Variants in C9orf85 observed in about 807,000 individuals in gnomAD.
The protein encoded by C9orf85 is uncharacterized protein C9orf85.
In C9orf85, 16 loss-of-function variants were observed where a neutral mutation model predicts 14.9. The ratio of observed to expected loss-of-function variants is 1.08; its 90% confidence interval spans 0.73 to 1.63. The LOEUF (loss-of-function observed/expected upper bound fraction) is 1.63. C9orf85 is among the 40% of genes most tolerant of loss of function. The pLI is 0.00. For missense variants in C9orf85, 172 were observed against 186.1 expected, an observed-to-expected ratio of 0.92 and a Z score of 0.44; for synonymous variants, 45 against 56.8, an observed-to-expected ratio of 0.79 and a Z score of 0.93.
intron 2 of C9orf85, among the ~76,000 whole-genome samples, chr9:71,949,944 A>C (rs774664539): frequency 2.9e-4 from 44 of 152,154 alleles, no homozygotes; most frequent in Non-Finnish European, 5.6e-4. Flanking sequence ...TCCTTCCTAC[A>C]TTTGCTGTTT....
chr9:71,982,694 G>A, exon 4 of C9orf85: 1 of 365,306 alleles, frequency 2.7e-6, no homozygotes, highest in South Asian at 2.0e-5. Flanking sequence ...GGAGTGCAGT[G>A]GCAGGATCTT....
chr9:71,952,872 T>TAA (rs5898242), intron 2 of C9orf85, among the ~76,000 whole-genome samples: 268 of 147,850 alleles, frequency 1.8e-3, no homozygotes, highest in Middle Eastern at 3.6e-3. Flanking sequence ...CTCTACCTAT[T>TAA]AAAAAAAAAA....
chr9:71,911,882 G>A, intron 1 of C9orf85, 46 bp downstream of exon 1: 1 of 1,529,264 alleles, frequency 6.5e-7, no homozygotes. Context: ...GGAAGGAATG[G>A]CTCACTGGAG....
intron 2 of C9orf85, among the ~76,000 whole-genome samples, chr9:71,970,558 A>G (rs1335817208): frequency 6.6e-6 from 1 of 152,112 alleles, no homozygotes; most frequent in Non-Finnish European, 1.5e-5. Flanking sequence ...GATGACCTAT[A>G]TACGTCTATT....
chr9:71,959,852 C>A (rs1271751553), intron 2 of C9orf85, among the ~76,000 whole-genome samples: 3 of 152,202 alleles, frequency 2.0e-5, no homozygotes, highest in South Asian at 2.1e-4. Context: ...AATCAGAGCT[C>A]TTAATTTCTG....
intron 1 of C9orf85, among the ~76,000 whole-genome samples, chr9:71,935,157 T>G (rs762564617): frequency 4.6e-5 from 7 of 152,136 alleles, no homozygotes; most frequent in Non-Finnish European, 8.8e-5. Flanking sequence ...TTTATTACTC[T>G]TCGTGGGAAT....
intron 1 of C9orf85, chr9:71,918,502 C>T (rs559359415): frequency 8.1e-7 from 1 of 1,229,860 alleles, no homozygotes; most frequent in South Asian, 1.3e-5. Context: ...CCGACCCCCG[C>T]ATCGGTCCAT....
chr9:71,971,975 CAAAAAA>C (rs1280978130), intron 3 of C9orf85, among the ~76,000 whole-genome samples: 2 of 53,280 alleles, frequency 3.8e-5, no homozygotes. Context: ...GACTCCATCT[CAAAAAA>C]AAAAAAAAAA....
intron 2 of C9orf85, among the ~76,000 whole-genome samples, chr9:71,963,035 G>T (rs1167004076): frequency 2.0e-5 from 3 of 152,016 alleles, no homozygotes; most frequent in Non-Finnish European, 4.4e-5. Flanking sequence ...CAGCATGGGG[G>T]ACAAGAGTGA....
chr9:71,974,384 C>T (rs1822965042), downstream of C9orf85, among the ~76,000 whole-genome samples: 1 of 151,668 alleles, frequency 6.6e-6, no homozygotes, highest in Non-Finnish European at 1.5e-5. Flanking sequence ...GCGGGGACTG[C>T]AGGCCTGCAC....
In C9orf85 at chr9:71,967,604, A is replaced by G. The variant is rs531536311; in HGVS notation, c.210-3901A>G. 1.2e-4 allele frequency among the ~76,000 whole-genome samples: 18 copies of G among 151,656 alleles called. No homozygotes were observed. In the South Asian group the frequency reaches 3.1e-3, roughly 26 times the overall value. ...TGTGATTTTATTAAACTCACTGTTTATGTCCAGTTCATTTTAAAAAATAGA... is the reference window on the plus strand; with the variant it reads ...TGTGATTTTATTAAACTCACTGTTTGTGTCCAGTTCATTTTAAAAAATAGA... On this transcript the variant is annotated intron_variant, in intron 2 of 3. Transcript: ENST00000334731.
chr9:71,914,252 A>G (rs181477224), intron 1 of C9orf85, among the ~76,000 whole-genome samples: 1 of 152,274 alleles, frequency 6.6e-6, no homozygotes, highest in Admixed American at 6.5e-5. Context: ...TGTCCAACAC[A>G]TGGTGCAGGG....
rs943067233 is a variant in C9orf85 at position 71,935,900 on chromosome 9, G to C, written c.103-11106G>C. 9.4e-4 allele frequency among the ~76,000 whole-genome samples: 15 copies of C among 15,924 alleles called. 1 individual carries two copies. The Admixed American group carries it at 0.01, about 11-fold the overall frequency. 10.4% of individuals were successfully genotyped at this position (15,924 alleles called of 152,430 possible). On this transcript the variant is annotated intron_variant, in intron 1 of 3. Transcript: ENST00000334731. Reference sequence around the variant, plus strand: ...AATTTTATGCTCTGTGTATTTACCAGGGGAGAAACAGAAAAAAAATAACTG... The same window carrying C: ...AATTTTATGCTCTGTGTATTTACCACGGGAGAAACAGAAAAAAAATAACTG...
chr9:71,918,311 T>C (rs1187395472), intron 1 of C9orf85: 1 of 523,108 alleles, frequency 1.9e-6, no homozygotes, highest in Non-Finnish European at 3.0e-6. Context: ...AAAAGACAAC[T>C]ATTTTATTCT....
chr9:71,944,784 T>C lies in C9orf85; in HGVS notation c.103-2222T>C, dbSNP rs1381392569. 2.6e-5 allele frequency among the ~76,000 whole-genome samples: 4 copies of C among 152,192 alleles called. No individual in the cohort carries two copies. The East Asian group carries it at 7.7e-4, about 29-fold the overall frequency. The stretch of plus-strand genomic sequence containing the variant: ...TTTTTAAGTGAAAAGTACTATTCTT[T>C]CTCATTCTTACTCTCATTAATTTCT... On this transcript the variant is annotated intron_variant, in intron 1 of 3. Coordinates refer to ENST00000334731, the MANE Select transcript of C9orf85 (RefSeq NM_182505.5).
rs535162518 is a variant in C9orf85 at position 71,948,039 on chromosome 9, A to G, written c.209+927A>G. 2.6e-5 allele frequency among the ~76,000 whole-genome samples: 4 copies of G among 152,366 alleles called. No homozygotes were observed. The South Asian group carries it at 6.2e-4, about 24-fold the overall frequency. On this transcript the variant is annotated intron_variant, in intron 2 of 3. Coordinates refer to ENST00000334731, the MANE Select transcript of C9orf85 (RefSeq NM_182505.5). Reference sequence around the variant, plus strand: ...TCCTTCAGCTCAGCTGTGTAAGGACAATATTGGAGAGTAATTGCTGCATGA... The same window carrying G: ...TCCTTCAGCTCAGCTGTGTAAGGACGATATTGGAGAGTAATTGCTGCATGA...
intron 1 of C9orf85, among the ~76,000 whole-genome samples, chr9:71,938,886 A>C (rs908492137): frequency 4.0e-5 from 6 of 151,798 alleles, no homozygotes; most frequent in Admixed American, 2.6e-4. Context: ...TGATGGTATT[A>C]CTCTGAGAGA....
intron 2 of C9orf85, among the ~76,000 whole-genome samples, chr9:71,956,779 G>A (rs1314457913): frequency 6.6e-6 from 1 of 152,138 alleles, no homozygotes; most frequent in Non-Finnish European, 1.5e-5. Context: ...AAATATTTTA[G>A]ATAAGGGATT....
chr9:71,937,707 G>A (rs1828224937), intron 1 of C9orf85, among the ~76,000 whole-genome samples: 1 of 152,086 alleles, frequency 6.6e-6, no homozygotes. Flanking sequence ...AAACTTCAGA[G>A]AATATTATTT....
Sources: gnomAD v4.1 joint callset for allele counts (sites outside exome capture counted in the v4.1 genomes callset) on GRCh38, gnomAD v4.1.1 for gene constraint, MANE v1.5 for transcripts, NCBI Gene and HGNC (gene_info 2026-07-23, HGNC 2026-07-21) for gene names.